The following CECR2 variants were observed in gnomAD, a reference collection of about 807,000 sequenced individuals.
CECR2 encodes chromatin remodeling regulator CECR2.
A neutral mutation model predicts 154.5 loss-of-function variants in CECR2; 30 were observed. The ratio of observed to expected loss-of-function variants is 0.19; its 90% CI spans 0.15 to 0.26. The LOEUF is 0.26. CECR2 is among the 10% of genes least tolerant of loss of function. The pLI, the probability that CECR2 is intolerant of heterozygous loss-of-function variation, is 1.00. For missense variants in CECR2, 1,743 were observed against 1,829.3 expected, an observed-to-expected ratio of 0.95 and a Z score of 0.86; for synonymous variants, 725 against 683.7, an observed-to-expected ratio of 1.06 and a Z score of -0.94.
At chr22:17,362,004 C>T (rs779082038) in intron 1 of CECR2, among the ~76,000 whole-genome samples, 2 of 151,980 alleles carry the variant, frequency 1.3e-5, no homozygotes, top group Non-Finnish European at 2.9e-5. Context: ...AGGGAATCCT[C>T]GCCTGGAGTC....
chr22:17,469,761 G>GA (rs1167146168), intron 1 of CECR2, among the ~76,000 whole-genome samples: 3 of 152,300 alleles, frequency 2.0e-5, no homozygotes, highest in Admixed American at 1.3e-4. Flanking sequence ...CCTTGGCGGT[G>GA]ACCTGCATGT....
chr22:17,438,433 C>A (rs947220573), intron 1 of CECR2, among the ~76,000 whole-genome samples: 1 of 152,130 alleles, frequency 6.6e-6, no homozygotes, highest in African/African-American at 2.4e-5. Context: ...GTCCTTAGTA[C>A]CGTGATTTGG....
intron 16 of CECR2, among the ~76,000 whole-genome samples, chr22:17,544,125 G>GGAGGCC (rs1459907519): frequency 6.6e-6 from 1 of 152,184 alleles, no homozygotes; most frequent in East Asian, 1.9e-4. Context: ...CAGAATTTTG[G>GGAGGCC]GAGGCCAAGG....
chr22:17,381,577 A>C (rs79755396), intron 1 of CECR2, among the ~76,000 whole-genome samples: 2,969 of 152,192 alleles, frequency 0.02, 91 homozygotes, highest in African/African-American at 0.068. Context: ...AAAAGGGAAA[A>C]TCTCAAAACC....
At chr22:17,397,705 G>A (rs552144058) in intron 1 of CECR2, among the ~76,000 whole-genome samples, 26 of 152,014 alleles carry the variant, frequency 1.7e-4, no homozygotes, top group African/African-American at 6.0e-4. Context: ...CACTGTGTTA[G>A]CCAGGATGGT....
rs752157882 is a variant in CECR2 at position 17,542,120 on chromosome 22, G to T, written c.2014-37G>T. ...CATGGCACAAAGTGTGCCTTATTCT[G>T]TGAGTCTGTAACTGTGCTGCCTTTT... On this transcript the variant is annotated intron_variant, in intron 15 of 18. Coordinates refer to ENST00000262608, the MANE Select transcript of CECR2 (RefSeq NM_001290047.2). 4.9e-5 allele frequency: 77 copies of T among 1,580,870 alleles called. 1 individual carries two copies. In the Middle Eastern group the frequency reaches 1.4e-3, roughly 29 times the overall value.
At position 17,540,786 on chromosome 22, in the gene CECR2, T is replaced by C; in HGVS notation, c.1870T>C (p.Phe624Leu). 1 of 1,572,608 alleles carries C rather than the reference T, an allele frequency of 6.4e-7. No homozygotes were observed. Among genetic ancestry groups the C allele is most frequent in the Non-Finnish European group, 8.6e-7 (1 of 1,159,036 alleles). ...TGGTGGGACACCCAGCCAGGCACCC[T>C]TTTTAAACCAGATGGTAAGGAATAG... ...HCGGTPSQAP[F>L]LNQMRPAVPG... Residue 624 changes from phenylalanine (F) to leucine (L), a missense_variant, in exon 14 of 19, where the codon TTT becomes CTT. Around this residue, in one of 4 missense-constraint regions of CECR2, gnomAD observed 1,250 missense variants for 1,192.1 expected, o/e 1.05. Transcript: ENST00000262608.
chr22:17,466,143 G>A lies in CECR2; in HGVS notation c.127-11445G>A, dbSNP rs117196172. Among the ~76,000 whole-genome samples, 528 of 152,056 alleles carry A rather than the reference G, an allele frequency of 3.5e-3. 3 individuals are homozygous for A. The highest frequency in any genetic ancestry group is 5.3e-3 in the Admixed American group (81 of 15,258). The stretch of plus-strand genomic sequence containing the variant: ...GGGTTTAAATTTTTAGTAGAGACAG[G>A]GTTTCGCTATGTTGGCCAGGCTGGT... On this transcript the variant is annotated intron_variant, in intron 1 of 18. Coordinates refer to ENST00000262608, the MANE Select transcript of CECR2 (RefSeq NM_001290047.2).
At position 17,557,414 on chromosome 22, in the gene CECR2, G is replaced by T. The variant is rs2056786702; in HGVS notation, c.*4574G>T. On this transcript the variant is annotated 3_prime_UTR_variant, in exon 19 of 19. Coordinates refer to ENST00000262608, the MANE Select transcript of CECR2 (RefSeq NM_001290047.2). The stretch of plus-strand genomic sequence containing the variant: ...TCCACCCGCCTTGGCCTCCCAACAT[G>T]CTGGGATTACAGGCGTGAGCCAACA... The T allele has an allele frequency of 6.6e-6, 1 of 152,156 alleles. No homozygotes were observed. 9.4% of individuals were successfully genotyped at this position (152,156 alleles called of 1,614,324 possible). A position where few individuals can be genotyped will look rare whatever the true frequency, so the allele number is the denominator to read the frequency against.
At chr22:17,549,783 G>GTT (rs1491166897) in intron 17 of CECR2, among the ~76,000 whole-genome samples, 7,108 of 88,494 alleles carry the variant, frequency 0.08, 635 homozygotes, top group Middle Eastern at 0.1. Context: ...CTAACTTTTT[G>GTT]GTTTTTTTTT....
At chr22:17,362,588 A>C (rs1216710127) in intron 1 of CECR2, among the ~76,000 whole-genome samples, 2 of 152,024 alleles carry the variant, frequency 1.3e-5, no homozygotes, top group Admixed American at 6.6e-5. Context: ...TGAAATAATA[A>C]TATTTTAGAT....
Position 17,477,618 on chromosome 22 carries a change from G to A in CECR2, c.157G>A (p.Val53Met), listed in dbSNP as rs377154507. 37 of 1,613,246 alleles carry A rather than the reference G, an allele frequency of 2.3e-5. No homozygotes were observed. Among genetic ancestry groups the A allele is most frequent in the Non-Finnish European group, 2.5e-5 (30 of 1,179,442 alleles). The change falls in exon 2 of 19, where the codon GTG becomes ATG. Residue 53 changes from valine to methionine, a missense_variant. Physicochemically the swap from Val to Met is conservative, Grantham distance 21. Transcript: ENST00000262608. ...AGAAGCCGCTCTTCACAGAGATGAC[G>A]TGGAGTTTATCAGTGACCTGATTGC... ...ELEAALHRDDVEFISDLIACL... is the reference protein window; with the variant it reads ...ELEAALHRDDMEFISDLIACL...
At chr22:17,418,611 T>G in intron 1 of CECR2, 2 of 174,658 alleles carry the variant, frequency 1.1e-5, no homozygotes, top group Non-Finnish European at 2.6e-5. Context: ...GGTCTCCAGA[T>G]GAGCTATATA....
intron 1 of CECR2, among the ~76,000 whole-genome samples, chr22:17,426,863 C>T (rs1413405850): frequency 1.3e-5 from 2 of 151,966 alleles, no homozygotes; most frequent in South Asian, 2.1e-4. Flanking sequence ...TGGGGGAACA[C>T]AAATTTTTTT....
intron 1 of CECR2, among the ~76,000 whole-genome samples, chr22:17,467,671 A>C (rs2146757681): frequency 6.6e-6 from 1 of 152,266 alleles, no homozygotes; most frequent in East Asian, 1.9e-4. Flanking sequence ...AATCCCAGCT[A>C]CTTGGGAGGC....
chr22:17,525,498 C>A (rs2056248731), intron 9 of CECR2, among the ~76,000 whole-genome samples: 1 of 151,994 alleles, frequency 6.6e-6, no homozygotes, highest in Non-Finnish European at 1.5e-5. Flanking sequence ...CCCAGCTACT[C>A]AGGAGGATGA....
At chr22:17,483,012 C>A (rs535473754) in intron 2 of CECR2, among the ~76,000 whole-genome samples, 91 of 152,162 alleles carry the variant, frequency 6.0e-4, no homozygotes, top group African/African-American at 2.0e-3. Context: ...CTATAATATA[C>A]AACAGCCTCA....
At chr22:17,476,939 C>T (rs1420371789) in intron 1 of CECR2, among the ~76,000 whole-genome samples, 14 of 152,292 alleles carry the variant, frequency 9.2e-5, no homozygotes, top group African/African-American at 3.1e-4. Flanking sequence ...AATACCGTGT[C>T]GAGGCAAGCT....
intron 1 of CECR2, among the ~76,000 whole-genome samples, chr22:17,449,154 C>T (rs1325425645): frequency 2.0e-5 from 3 of 152,154 alleles, no homozygotes; most frequent in Non-Finnish European, 4.4e-5. Flanking sequence ...GCTGGAATTA[C>T]AGGTGTGAAC....
Sources: gnomAD v4.1 joint callset for allele counts (sites outside exome capture counted in the v4.1 genomes callset) on GRCh38, gnomAD v4.1.1 for gene constraint, gnomAD v4.1.1 regional missense constraint, MANE v1.5 for transcripts, NCBI Gene and HGNC (gene_info 2026-07-23, HGNC 2026-07-21) for gene names.